ATP1B3: variants seen among roughly 807,000 people sequenced by gnomAD.
ATP1B3 encodes sodium/potassium-transporting ATPase subunit beta-3.
A neutral mutation model predicts 30.2 loss-of-function variants in ATP1B3; 10 were observed. The ratio of observed to expected loss-of-function variants is 0.33; its 90% confidence interval spans 0.20 to 0.56. The LOEUF (loss-of-function observed/expected upper bound fraction) is 0.56. Ranked by LOEUF, ATP1B3 falls within the 20% of genes least tolerant of loss-of-function variation. ATP1B3 has a pLI of 0.90. For synonymous variants in ATP1B3, 113 were observed against 117.0 expected (o/e 0.97, Z 0.22); for missense variants, 238 against 336.7 (o/e 0.71, Z 2.29).
intron 1 of ATP1B3, among the ~76,000 whole-genome samples, chr3:141,884,781 G>A (rs1259729115): frequency 6.6e-6 from 1 of 152,156 alleles, no homozygotes; most frequent in Non-Finnish European, 1.5e-5. Context: ...TCCTCAAGGA[G>A]ATATATACAT....
intron 6 of ATP1B3, among the ~76,000 whole-genome samples, chr3:141,925,061 AT>A (rs1265774019): frequency 1.3e-5 from 2 of 152,210 alleles, no homozygotes; most frequent in African/African-American, 4.8e-5. Context: ...GCTCAGGGGC[AT>A]GAGCTGTCAC....
chr3:141,887,960 GT>G (rs1448408128), intron 1 of ATP1B3, among the ~76,000 whole-genome samples: 2 of 152,188 alleles, frequency 1.3e-5, no homozygotes, highest in Non-Finnish European at 2.9e-5. Context: ...GATGATAAGT[GT>G]TCTGTATCTT....
intron 1 of ATP1B3, among the ~76,000 whole-genome samples, chr3:141,879,332 A>G (rs9822066): frequency 0.14 from 20,762 of 151,990 alleles, 1,676 homozygotes; most frequent in East Asian, 0.39. Flanking sequence ...TAGGCCATTC[A>G]TATGTACTTT....
intron 1 of ATP1B3, among the ~76,000 whole-genome samples, chr3:141,890,285 CTTTTTTTTTTTTTTTTTTTTTT>C (rs775182342): frequency 1.4e-4 from 4 of 28,554 alleles, no homozygotes; most frequent in East Asian, 4.6e-3. Flanking sequence ...TTTTGTGGGG[CTTTTTTTTTTTTTTTTTTTTTT>C]TTTTTTTTTT....
At chr3:141,911,355 A>T in intron 3 of ATP1B3, among the ~76,000 whole-genome samples, 1 of 152,094 alleles carries the variant, frequency 6.6e-6, no homozygotes, top group East Asian at 1.9e-4. Flanking sequence ...TGTTTGAAAG[A>T]TACTATAATA....
intron 1 of ATP1B3, among the ~76,000 whole-genome samples, chr3:141,885,093 T>C (rs1158222725): frequency 2.6e-5 from 4 of 152,196 alleles, no homozygotes; most frequent in Non-Finnish European, 5.9e-5. Context: ...GGTTCTGTAT[T>C]GCTCCTATTT....
chr3:141,918,502 T>C (rs1468078424), intron 5 of ATP1B3, among the ~76,000 whole-genome samples: 1 of 151,694 alleles, frequency 6.6e-6, no homozygotes, highest in Non-Finnish European at 1.5e-5. Flanking sequence ...TGGAGTGCAG[T>C]GGTGCGATCT....
intron 1 of ATP1B3, among the ~76,000 whole-genome samples, chr3:141,896,691 A>G (rs1934072453): frequency 6.6e-6 from 1 of 151,936 alleles, no homozygotes; most frequent in African/African-American, 2.4e-5. Flanking sequence ...TTCTTCAGTT[A>G]AGCTTTTCTA....
chr3:141,896,762 CTTCTACTGTTTTAA>C (rs977709612), intron 1 of ATP1B3, among the ~76,000 whole-genome samples: 1 of 151,800 alleles, frequency 6.6e-6, no homozygotes, highest in Non-Finnish European at 1.5e-5. Context: ...TATCCTTCAC[CTTCTACTGTTTTAA>C]TTATGCTTAT....
chr3:141,901,085 T>C (rs1255850907), intron 1 of ATP1B3, among the ~76,000 whole-genome samples: 1 of 152,138 alleles, frequency 6.6e-6, no homozygotes, highest in Non-Finnish European at 1.5e-5. Context: ...ACCTGGCCCA[T>C]GTTAGTTTCT....
chr3:141,886,594 C>T (rs1258698713), intron 1 of ATP1B3, among the ~76,000 whole-genome samples: 2 of 152,104 alleles, frequency 1.3e-5, no homozygotes, highest in Non-Finnish European at 2.9e-5. Context: ...CAGAATACAC[C>T]AGTATACTGA....
chr3:141,923,378 A>T (rs1934601046), intron 6 of ATP1B3, among the ~76,000 whole-genome samples: 1 of 152,110 alleles, frequency 6.6e-6, no homozygotes, highest in Non-Finnish European at 1.5e-5. Context: ...GCAGGTTAGC[A>T]TGCTCAGCCC....
intron 6 of ATP1B3, among the ~76,000 whole-genome samples, chr3:141,924,448 G>A (rs1438639336): frequency 6.6e-6 from 1 of 151,784 alleles, no homozygotes; most frequent in African/African-American, 2.4e-5. Flanking sequence ...AGACCAGCCT[G>A]GCCAACTTCA....
At chr3:141,923,341 TAAG>T (rs1456606787) in intron 6 of ATP1B3, among the ~76,000 whole-genome samples, 5 of 151,486 alleles carry the variant, frequency 3.3e-5, no homozygotes, top group Non-Finnish European at 7.4e-5. Context: ...AGCGGCTTTA[TAAG>T]AAGAGGAAGA....
In ATP1B3 at chr3:141,904,442, T is replaced by G. The variant is rs73870538; in HGVS notation, c.238+694T>G. Among the ~76,000 whole-genome samples the G allele has an allele frequency of 5.0e-3, 768 of 152,192 alleles. 7 individuals carry two copies. Among genetic ancestry groups the G allele is most frequent in the African/African-American group, 0.018 (742 of 41,550 alleles). On this transcript the variant is annotated intron_variant, in intron 2 of 6. Transcript: ENST00000286371. ...TACTTTGCCTTGAGTAATTAAGGTATATATTTTGGCACTAGCTTCAGTTAG... is the reference window on the plus strand; with the variant it reads ...TACTTTGCCTTGAGTAATTAAGGTAGATATTTTGGCACTAGCTTCAGTTAG...
intron 1 of ATP1B3, among the ~76,000 whole-genome samples, chr3:141,883,789 A>G (rs1178761251): frequency 3.3e-5 from 5 of 152,218 alleles, no homozygotes; most frequent in African/African-American, 9.6e-5. Context: ...TGGTGTACCC[A>G]TAGTATAATT....
At chr3:141,919,285 T>TC (rs569836677) in intron 5 of ATP1B3, among the ~76,000 whole-genome samples, 31,292 of 151,252 alleles carry the variant, frequency 0.21, 3,611 homozygotes, top group Middle Eastern at 0.34. Flanking sequence ...CTTTTTTTTT[T>TC]TCTCTCTCTC....
intron 1 of ATP1B3, among the ~76,000 whole-genome samples, chr3:141,883,260 G>T (rs767887785): frequency 6.6e-6 from 1 of 152,172 alleles, no homozygotes; most frequent in Admixed American, 6.5e-5. Context: ...AGCCGAAGTG[G>T]GCGGATCACT....
chr3:141,906,095 A>G (rs1190281912), intron 2 of ATP1B3, among the ~76,000 whole-genome samples: 2 of 151,742 alleles, frequency 1.3e-5, no homozygotes, highest in Non-Finnish European at 2.9e-5. Flanking sequence ...TGTGTGATAT[A>G]TTAAATATGG....
Sources: allele counts gnomAD v4.1 joint callset (sites outside exome capture counted in the v4.1 genomes callset), GRCh38; gene constraint gnomAD v4.1.1; transcripts MANE v1.5; gene names NCBI Gene and HGNC (gene_info 2026-07-23, HGNC 2026-07-21).